The following CDH12 variants were observed in gnomAD, a reference collection of about 807,000 sequenced individuals.
CDH12 encodes the protein cadherin-12.
CDH12 carries 41 observed loss-of-function variants against 74.1 expected under a neutral mutation model. That is an observed-to-expected ratio of 0.55 (90% CI 0.43 to 0.72). The LOEUF is 0.72. Ranked by LOEUF, CDH12 falls within the 30% of genes least tolerant of loss-of-function variation. The pLI is 0.00. For missense variants in CDH12, 945 were observed against 977.2 expected (o/e 0.97, Z 0.44); for synonymous variants, 399 against 355.0 (o/e 1.12, Z -1.39).
At chr5:22,351,520 A>T (rs1740354442) in intron 3 of CDH12, among the ~76,000 whole-genome samples, 1 of 152,214 alleles carries the variant, frequency 6.6e-6, no homozygotes, top group East Asian at 1.9e-4. Flanking sequence ...ATAGTGTTTC[A>T]AAATGGTATG....
At chr5:22,544,397 C>T (rs1738228302) in intron 1 of CDH12, among the ~76,000 whole-genome samples, 1 of 152,268 alleles carries the variant, frequency 6.6e-6, no homozygotes, top group African/African-American at 2.4e-5. Flanking sequence ...TTTGGACCCT[C>T]TCACTCTATA....
intron 4 of CDH12, among the ~76,000 whole-genome samples, chr5:22,109,915 C>T (rs565452235): frequency 2.1e-4 from 32 of 151,974 alleles, no homozygotes; most frequent in Non-Finnish European, 3.4e-4. Flanking sequence ...ACAGGAAAAC[C>T]GAAAGAAGTA....
At position 22,330,744 on chromosome 5, in the gene CDH12, C is replaced by CAA. The variant is rs1212274101; in HGVS notation, c.-333+74511_-333+74512dup. 4.3e-3 allele frequency among the ~76,000 whole-genome samples: 224 copies of CAA among 52,236 alleles called. 1 individual carries two copies. The highest frequency in any genetic ancestry group is 0.01 in the African/African-American group (186 of 17,728). The allele number at this position is 52,236 out of a possible 152,430, so 34.3% of individuals were successfully genotyped here. A position where few individuals can be genotyped will look rare whatever the true frequency, so the allele number is the denominator to read the frequency against. On this transcript the variant is annotated intron_variant, in intron 3 of 14. Coordinates refer to ENST00000382254, the MANE Select transcript of CDH12 (RefSeq NM_004061.5). ...CCAGCCTGACAACAGAGCGAGACTC[C>CAA]AAAAAAAAAAAAAAAAAAAAAGCAG... is the stretch of plus-strand genomic sequence containing the variant.
intron 10 of CDH12, among the ~76,000 whole-genome samples, chr5:21,792,276 C>T (rs1746541385): frequency 1.3e-5 from 2 of 151,806 alleles, no homozygotes; most frequent in Non-Finnish European, 2.9e-5. Context: ...TTTAAACCAC[C>T]AGTTCCTACT....
chr5:22,361,610 C>A (rs1740803560), intron 3 of CDH12, among the ~76,000 whole-genome samples: 2 of 152,082 alleles, frequency 1.3e-5, no homozygotes. Flanking sequence ...AAAAAAGAGC[C>A]CACATTGCCA....
intron 1 of CDH12, among the ~76,000 whole-genome samples, chr5:22,819,414 T>C (rs1749555775): frequency 6.6e-6 from 1 of 152,072 alleles, no homozygotes; most frequent in South Asian, 2.1e-4. Flanking sequence ...AAAGGCACCC[T>C]TCATATATAT....
chr5:21,815,466 A>G (rs1747988764), intron 9 of CDH12, among the ~76,000 whole-genome samples: 1 of 152,194 alleles, frequency 6.6e-6, no homozygotes, highest in African/African-American at 2.4e-5. Context: ...TCTTTCTCAC[A>G]TTAACAGACT....
chr5:21,907,919 G>A (rs527639973), intron 6 of CDH12, among the ~76,000 whole-genome samples: 7 of 152,226 alleles, frequency 4.6e-5, no homozygotes, highest in Admixed American at 3.3e-4. Context: ...GATATTTGAG[G>A]GAGTTTATAC....
chr5:21,777,260 A>C (rs1250358271), intron 11 of CDH12, among the ~76,000 whole-genome samples: 3 of 152,172 alleles, frequency 2.0e-5, no homozygotes, highest in African/African-American at 7.2e-5. Flanking sequence ...GAGCATAGAT[A>C]GAAATCTACC....
intron 1 of CDH12, among the ~76,000 whole-genome samples, chr5:22,747,093 A>G (rs1745329600): frequency 6.6e-6 from 1 of 152,180 alleles, no homozygotes; most frequent in African/African-American, 2.4e-5. Context: ...AGATCTTGAA[A>G]GTGATGTGTA....
intron 1 of CDH12, among the ~76,000 whole-genome samples, chr5:22,841,352 A>C (rs888626606): frequency 6.6e-6 from 1 of 152,154 alleles, no homozygotes; most frequent in Non-Finnish European, 1.5e-5. Context: ...GGAAGGATGG[A>C]GTTGATGTTG....
intron 1 of CDH12, among the ~76,000 whole-genome samples, chr5:22,725,398 T>C (rs1404486145): frequency 4.3e-4 from 66 of 151,880 alleles, no homozygotes; most frequent in East Asian, 3.9e-4. Flanking sequence ...GTATTGAAGT[T>C]AATCTAGCTC....
At chr5:22,600,893 T>C (rs1043546993) in intron 1 of CDH12, among the ~76,000 whole-genome samples, 18 of 152,120 alleles carry the variant, frequency 1.2e-4, no homozygotes, top group African/African-American at 3.9e-4. Context: ...GACAATTATA[T>C]GTTTAATAGG....
At chr5:22,161,983 A>G (rs952868285) in intron 4 of CDH12, among the ~76,000 whole-genome samples, 37 of 151,602 alleles carry the variant, frequency 2.4e-4, no homozygotes, top group African/African-American at 8.7e-4. Context: ...CTTCCCAGCC[A>G]TGTCTGTATA....
At chr5:21,903,712 C>A (rs1753504439) in intron 6 of CDH12, among the ~76,000 whole-genome samples, 2 of 151,944 alleles carry the variant, frequency 1.3e-5, no homozygotes, top group Admixed American at 1.3e-4. Context: ...ATAGTTGGAT[C>A]AGCCGAGAGA....
chr5:22,057,121 T>C (rs1003096076), intron 5 of CDH12, among the ~76,000 whole-genome samples: 3 of 152,206 alleles, frequency 2.0e-5, no homozygotes, highest in African/African-American at 4.8e-5. Flanking sequence ...TTAGGTGTTA[T>C]GAGTCTTACA....
chr5:22,097,531 C>T (rs1580245376), intron 4 of CDH12, among the ~76,000 whole-genome samples: 1 of 152,122 alleles, frequency 6.6e-6, no homozygotes, highest in Non-Finnish European at 1.5e-5. Context: ...AACTCTAGTG[C>T]CAACTTAGAC....
Position 22,342,562 on chromosome 5 carries a change from TCCTC to T in CDH12, c.-333+62691_-333+62694del, listed in dbSNP as rs555627962. 4.4e-4 allele frequency among the ~76,000 whole-genome samples: 46 copies of T among 104,318 alleles called. 1 individual carries two copies. The South Asian group carries it at 5.9e-3, about 13-fold the overall frequency. The allele number at this position is 104,318 out of a possible 152,430, so 68.4% of individuals were successfully genotyped here. On this transcript the variant is annotated intron_variant, in intron 3 of 14. Transcript: ENST00000382254. ...CTCCCTCCCTCCCTCCTCCCTTCCTTCCTCCCTCCCTCCCTCCATCCTTCCTTCC... is the reference window on the plus strand; with the variant it reads ...CTCCCTCCCTCCCTCCTCCCTTCCTTCCTCCCTCCCTCCATCCTTCCTTCC...
At chr5:22,138,959 T>A (rs1746632841) in intron 4 of CDH12, among the ~76,000 whole-genome samples, 1 of 148,808 alleles carries the variant, frequency 6.7e-6, no homozygotes, top group African/African-American at 2.5e-5. Flanking sequence ...ATGCTTAATA[T>A]AAATTCAATT....
Sources: gnomAD v4.1 joint callset for allele counts (sites outside exome capture counted in the v4.1 genomes callset) on GRCh38, gnomAD v4.1.1 for gene constraint, MANE v1.5 for transcripts, NCBI Gene and HGNC (gene_info 2026-07-23, HGNC 2026-07-21) for gene names.